Variants in BEGAIN observed in about 807,000 individuals in gnomAD.
BEGAIN encodes brain enriched guanylate kinase associated.
A neutral mutation model predicts 35.8 loss-of-function variants in BEGAIN; 19 were observed. The observed-to-expected ratio is 0.53, with a 90% CI of 0.37 to 0.78. The LOEUF (loss-of-function observed/expected upper bound fraction) is 0.78. Among genes scored for constraint, BEGAIN ranks in the 30% least tolerant of loss-of-function variants. The probability of loss-of-function intolerance (pLI) is 0.00; values close to 1 mark genes in which losing one functional copy is unlikely to be tolerated. For missense variants in BEGAIN, 795 were observed against 853.6 expected, an observed-to-expected ratio of 0.93 and a Z score of 0.85; for synonymous variants, 462 against 388.6, an observed-to-expected ratio of 1.19 and a Z score of -2.22.
chr14:100,541,887 C>T (rs1229476250), intron 5 of BEGAIN, among the ~76,000 whole-genome samples: 1 of 152,240 alleles, frequency 6.6e-6, no homozygotes, highest in African/African-American at 2.4e-5. Flanking sequence ...GCAGAGCGAA[C>T]AGGTGGAGGC....
chr14:100,583,077 CTG>C (rs1481750782), intron 1 of BEGAIN, among the ~76,000 whole-genome samples: 2 of 151,400 alleles, frequency 1.3e-5, no homozygotes, highest in African/African-American at 4.9e-5. Flanking sequence ...CCTTCTGTCT[CTG>C]TGTCCCTCAC....
chr14:100,575,851 A>G, intron 1 of BEGAIN, among the ~76,000 whole-genome samples: 1 of 151,984 alleles, frequency 6.6e-6, no homozygotes, highest in Non-Finnish European at 1.5e-5. Flanking sequence ...TGAGGCCCCA[A>G]GAGATATGTG....
In BEGAIN at chr14:100,541,944, C is replaced by T. The variant is rs193271874; in HGVS notation, c.409-1365G>A. Reference sequence around the variant, plus strand: ...CCCGGGGCTGCTGGAGTCGGAGTCCCGAGGTTGAGTTCTGGCTCCGTCTGC... The same window carrying T: ...CCCGGGGCTGCTGGAGTCGGAGTCCTGAGGTTGAGTTCTGGCTCCGTCTGC... On this transcript the variant is annotated intron_variant, in intron 5 of 6. Transcript: ENST00000554140. 9.8e-5 allele frequency among the ~76,000 whole-genome samples: 15 copies of T among 152,308 alleles called. No homozygotes were observed. The East Asian group carries it at 2.7e-3, about 27-fold the overall frequency.
intron 5 of BEGAIN, among the ~76,000 whole-genome samples, chr14:100,540,909 G>A (rs1595106634): frequency 6.6e-6 from 1 of 152,188 alleles, no homozygotes. Context: ...AGCTCCCCCA[G>A]GCTCGTAGAG....
chr14:100,566,516 C>A (rs2034695720), intron 2 of BEGAIN, among the ~76,000 whole-genome samples: 1 of 152,176 alleles, frequency 6.6e-6, no homozygotes, highest in Non-Finnish European at 1.5e-5. Context: ...GTGTTTCCTC[C>A]CCCCCACAGG....
At chr14:100,547,524 G>A (rs547671382) in intron 2 of BEGAIN, 31 of 152,422 alleles carry the variant, frequency 2.0e-4, no homozygotes, top group African/African-American at 7.5e-4. Flanking sequence ...AAAGGCAGGA[G>A]GGTAGTGTGG....
At position 100,584,402 on chromosome 14, in the gene BEGAIN, C is replaced by T. The variant is rs114189299; in HGVS notation, c.42+2847G>A. 3.6e-3 allele frequency among the ~76,000 whole-genome samples: 552 copies of T among 152,264 alleles called. 1 individual carries two copies. Among genetic ancestry groups the T allele is most frequent in the African/African-American group, 0.013 (524 of 41,532 alleles). ...TCCTGGCTAGAGGGGAGAGAAGAGC[C>T]CCAGCAGCTCCTGACTCCTGCCGTA... On this transcript the variant is annotated intron_variant, in intron 1 of 6. Transcript: ENST00000554140.
chr14:100,569,841 A>G (rs1205007983), intron 1 of BEGAIN: 1 of 154,526 alleles, frequency 6.5e-6, no homozygotes, highest in Non-Finnish European at 1.5e-5. Context: ...GGGGCTAATG[A>G]GGAAAACCCC....
intron 2 of BEGAIN, among the ~76,000 whole-genome samples, chr14:100,562,269 T>G (rs1461276326): frequency 6.6e-6 from 1 of 152,064 alleles, no homozygotes; most frequent in Non-Finnish European, 1.5e-5. Context: ...CCAGGACATC[T>G]CTTCCTGAGT....
intron 5 of BEGAIN, among the ~76,000 whole-genome samples, chr14:100,542,754 T>C (rs988008599): frequency 6.6e-6 from 1 of 152,248 alleles, no homozygotes; most frequent in Non-Finnish European, 1.5e-5. Context: ...CATCATCTTT[T>C]GGACTATGGT....
intron 1 of BEGAIN, among the ~76,000 whole-genome samples, chr14:100,583,692 C>CTTTTTTTTTTTTTTTTT (rs56090356): frequency 1.4e-4 from 15 of 108,992 alleles, no homozygotes; most frequent in Non-Finnish European, 2.1e-4. Context: ...GTTTTTCTTC[C>CTTTTTTTTTTTTTTTTT]TTTTTTTTTT....
Position 100,573,319 on chromosome 14 carries a change from C to A in BEGAIN, c.43-5380G>T, listed in dbSNP as rs2035130467. Among the ~76,000 whole-genome samples, 4 of 149,882 alleles carry A rather than the reference C, an allele frequency of 2.7e-5. No individual in the cohort carries two copies. Among genetic ancestry groups the A allele is most frequent in the South Asian group, 4.2e-4 (2 of 4,724 alleles). ...CCCGAAGGGGCCGCCAGAGGAGGGG[C>A]GGGTGAGTCCTGGGAGGTCGCTAGA... On this transcript the variant is annotated intron_variant, in intron 1 of 6. Coordinates refer to ENST00000554140, the MANE Select transcript of BEGAIN (RefSeq NM_001385089.1). The surrounding 1 kb of genome is among the most constrained non-coding windows in gnomAD (Gnocchi z 4.2).
At position 100,568,101 on chromosome 14, in the gene BEGAIN, C is replaced by T. The variant is rs2034870806; in HGVS notation, c.43-162G>A. The T allele has an allele frequency of 9.6e-7, 1 of 1,039,884 alleles. No homozygotes were observed. Among genetic ancestry groups the T allele is most frequent in the Non-Finnish European group, 1.2e-6 (1 of 867,152 alleles). The allele number at this position is 1,039,884 out of a possible 1,614,324, so 64.4% of individuals were successfully genotyped here. On this transcript the variant is annotated intron_variant, in intron 1 of 6. Coordinates refer to ENST00000554140, the MANE Select transcript of BEGAIN (RefSeq NM_001385089.1). The surrounding 1 kb of genome is among the most constrained non-coding windows in gnomAD (Gnocchi z 7.5). ...CCCAGCTTCCAGTCCCGGCCGCGGC[C>T]CCCGTGACTCAGTGGGCGCGCCGGG... is the stretch of plus-strand genomic sequence containing the variant.
intron 2 of BEGAIN, among the ~76,000 whole-genome samples, chr14:100,560,721 C>A (rs1332532570): frequency 1.3e-5 from 2 of 152,212 alleles, no homozygotes; most frequent in African/African-American, 4.8e-5. Flanking sequence ...GCCACGAGGG[C>A]AGAGGAAGTG....
intron 1 of BEGAIN, among the ~76,000 whole-genome samples, chr14:100,581,942 C>T (rs1566983415): frequency 2.0e-5 from 3 of 152,220 alleles, no homozygotes; most frequent in African/African-American, 7.2e-5. Flanking sequence ...AACGTCACCT[C>T]GCTTCATTCT....
chr14:100,546,641 G>A lies in BEGAIN; in HGVS notation c.93C>T (p.Gly31=). 1.3e-6 allele frequency: 2 copies of A among 1,573,632 alleles called. No individual in the cohort carries two copies. Among genetic ancestry groups the A allele is most frequent in the Non-Finnish European group, 1.7e-6 (2 of 1,165,136 alleles). The change falls in exon 3 of 7, where the codon GGC becomes GGT. Residue 31 remains glycine (G), a synonymous_variant. Coordinates refer to ENST00000554140, the MANE Select transcript of BEGAIN (RefSeq NM_001385089.1). ...EKLSALQEQK[G]ELRKRLSYTT... ...TGTAGGACAGCCGCTTGCGCAGCTC[G>A]CCCTTCTGCTCCTGCAGCGCGCTGC...
intron 5 of BEGAIN, among the ~76,000 whole-genome samples, chr14:100,541,996 A>G (rs748548994): frequency 9.9e-5 from 15 of 152,142 alleles, no homozygotes; most frequent in African/African-American, 3.6e-4. Context: ...CACCTGGGAA[A>G]CCACTCAAGC....
chr14:100,550,414 T>G (rs532845919), intron 2 of BEGAIN: 66 of 399,098 alleles, frequency 1.7e-4, no homozygotes, highest in African/African-American at 1.2e-3. Flanking sequence ...ACAACAGGTA[T>G]GTTACCTGTC....
chr14:100,546,600 T>G lies in BEGAIN; in HGVS notation c.134A>C (p.Glu45Ala). ...KRLSYTTHKL[E>A]KLETEFDSTR... is the part of the protein sequence containing the mutation. ...GGAGTCGAACTCGGTCTCGAGCTTC[T>G]CGAGCTTGTGTGTGGTGTAGGACAG... The change falls in exon 3 of 7, where the codon GAG (glutamate) becomes GCG (alanine). Residue 45 changes from glutamate to alanine, a missense_variant. Glu to Ala is a moderately radical substitution (Grantham distance 107, BLOSUM62 -1). Coordinates refer to ENST00000554140, the MANE Select transcript of BEGAIN (RefSeq NM_001385089.1). 6.3e-7 allele frequency: 1 copy of G among 1,592,744 alleles called. No individual in the cohort carries two copies.
Sources: allele counts gnomAD v4.1 joint callset (sites outside exome capture counted in the v4.1 genomes callset), GRCh38; gene constraint gnomAD v4.1.1; non-coding constraint Gnocchi (gnomAD v3.1); transcripts MANE v1.5; gene names NCBI Gene and HGNC (gene_info 2026-07-23, HGNC 2026-07-21).